Variants in RBFOX1 observed in about 807,000 individuals in gnomAD.
RBFOX1 encodes RNA binding protein fox-1 homolog 1.
A neutral mutation model predicts 57.7 loss-of-function variants in RBFOX1; 8 were observed. The observed-to-expected ratio is 0.14, with a 90% CI of 0.08 to 0.25. The LOEUF (loss-of-function observed/expected upper bound fraction) is 0.25, where lower values mean the gene tolerates loss of function less well. RBFOX1 is among the 10% of genes least tolerant of loss of function. RBFOX1 has a pLI of 1.00. For synonymous variants in RBFOX1, 326 were observed against 222.4 expected, an observed-to-expected ratio of 1.47 and a Z score of -4.15; for missense variants, 611 against 548.5, an observed-to-expected ratio of 1.11 and a Z score of -1.14.
rs1568549082 is a variant in RBFOX1, at chr16:7,700,813, GAAT to G, written c.996-8241_996-8239del. ...CCCTCAAATCTGCTGTTGGGTTTCA[GAAT>G]AGGAAGAGGTTTTCAGAATAGGAAG... On this transcript the variant is annotated intron_variant, in intron 14 of 15. Transcript: ENST00000550418. 4.0e-5 allele frequency among the ~76,000 whole-genome samples: 6 copies of G among 151,524 alleles called. No homozygotes were observed. The East Asian group carries it at 1.2e-3, about 30-fold the overall frequency.
At chr16:5,818,248 C>G (rs558803757) in intron 3 of RBFOX1, among the ~76,000 whole-genome samples, 123 of 152,258 alleles carry the variant, frequency 8.1e-4, no homozygotes, top group South Asian at 3.5e-3. Flanking sequence ...GTACCGTCAT[C>G]AGTTTTGCAT....
chr16:6,953,903 T>C (rs957141788), intron 3 of RBFOX1, among the ~76,000 whole-genome samples: 1 of 152,202 alleles, frequency 6.6e-6, no homozygotes, highest in Admixed American at 6.5e-5. Context: ...AAGTTTTTTT[T>C]GGTTGTTGTT....
chr16:7,197,948 T>G (rs2087172852), intron 4 of RBFOX1, among the ~76,000 whole-genome samples: 1 of 150,784 alleles, frequency 6.6e-6, no homozygotes, highest in Non-Finnish European at 1.5e-5. Flanking sequence ...ATGTGTTTTC[T>G]CTTTTTTCCC....
intron 1 of RBFOX1, among the ~76,000 whole-genome samples, chr16:6,204,203 A>G (rs2097237650): frequency 6.6e-6 from 1 of 152,104 alleles, no homozygotes; most frequent in Non-Finnish European, 1.5e-5. Context: ...ATCTTTCACC[A>G]AATTCTTCAC....
intron 1 of RBFOX1, among the ~76,000 whole-genome samples, chr16:5,255,270 A>C (rs2151086535): frequency 6.6e-6 from 1 of 152,042 alleles, no homozygotes; most frequent in South Asian, 2.1e-4. Flanking sequence ...AGGACCCCGG[A>C]TAAATGCTCA....
At chr16:5,884,080 G>A (rs2057835346) in intron 4 of RBFOX1, among the ~76,000 whole-genome samples, 1 of 152,182 alleles carries the variant, frequency 6.6e-6, no homozygotes, top group African/African-American at 2.4e-5. Flanking sequence ...GATAATCACT[G>A]TAGCTGCCTA....
intron 3 of RBFOX1, among the ~76,000 whole-genome samples, chr16:6,939,972 G>C (rs992790574): frequency 6.6e-6 from 1 of 152,198 alleles, no homozygotes. Flanking sequence ...GGAATTTAAA[G>C]TTTGTATAAT....
At chr16:5,969,665 A>G (rs746510752) in intron 4 of RBFOX1, among the ~76,000 whole-genome samples, 16 of 151,858 alleles carry the variant, frequency 1.1e-4, no homozygotes, top group Non-Finnish European at 2.2e-4. Flanking sequence ...ATAAAATCTT[A>G]GGTAGCTTAT....
chr16:7,270,360 T>A (rs1277699202), intron 4 of RBFOX1, among the ~76,000 whole-genome samples: 1 of 152,228 alleles, frequency 6.6e-6, no homozygotes, highest in Non-Finnish European at 1.5e-5. Context: ...GATAAGCTTC[T>A]CCTTTGTGGA....
Position 6,540,184 on chromosome 16 carries a change from A to G in RBFOX1, c.-63-114419A>G, listed in dbSNP as rs145681827. ...AATCCTATTTGTGAATCTGAGGTCT[A>G]TCTTTATGTTAATGATTCTTCATTA... On this transcript the variant is annotated intron_variant, in intron 2 of 15. Transcript: ENST00000550418. 8.2e-4 allele frequency among the ~76,000 whole-genome samples: 125 copies of G among 152,170 alleles called. 1 individual carries two copies. The highest frequency in any genetic ancestry group is 2.9e-3 in the African/African-American group (121 of 41,520).
chr16:5,500,315 T>C (rs1404853333), intron 2 of RBFOX1, among the ~76,000 whole-genome samples: 3 of 151,936 alleles, frequency 2.0e-5, no homozygotes, highest in African/African-American at 7.3e-5. Flanking sequence ...CTCAACCTGC[T>C]GAATTCAAGT....
At chr16:7,446,882 G>A (rs577014917) in intron 4 of RBFOX1, among the ~76,000 whole-genome samples, 14 of 129,282 alleles carry the variant, frequency 1.1e-4, no homozygotes, top group South Asian at 2.5e-4. Flanking sequence ...GTGTGATCTC[G>A]GCTCACTGCA....
chr16:7,065,469 C>T (rs540930436), intron 4 of RBFOX1, among the ~76,000 whole-genome samples: 1 of 152,170 alleles, frequency 6.6e-6, no homozygotes, highest in African/African-American at 2.4e-5. Flanking sequence ...GAACCTGCTT[C>T]TGCAGCAAAG....
rs143241297 is a variant in RBFOX1 at position 6,572,198 on chromosome 16, AAT to A, written c.-63-82402_-63-82401del. The stretch of plus-strand genomic sequence containing the variant: ...GTCGTGGAAGTATAATATTTATTTA[AAT>A]ATGTTTTGCCTATATTTGATTTCAT... On this transcript the variant is annotated intron_variant, in intron 2 of 15. Transcript: ENST00000550418. Among the ~76,000 whole-genome samples, 1,141 of 152,288 alleles carry A rather than the reference AAT, an allele frequency of 7.5e-3. 12 individuals carry two copies. Among genetic ancestry groups the A allele is most frequent in the African/African-American group, 0.026 (1,078 of 41,566 alleles).
At chr16:5,562,670 C>T (rs1009098389) in intron 2 of RBFOX1, among the ~76,000 whole-genome samples, 2 of 152,094 alleles carry the variant, frequency 1.3e-5, no homozygotes, top group African/African-American at 4.8e-5. Flanking sequence ...GAGAGCTGGT[C>T]CAGTAGGCAT....
chr16:5,429,935 C>A (rs1246379413), intron 1 of RBFOX1, among the ~76,000 whole-genome samples: 1 of 152,160 alleles, frequency 6.6e-6, no homozygotes, highest in African/African-American at 2.4e-5. Context: ...ATTCTTCACT[C>A]TGAAGGTTTG....
intron 1 of RBFOX1, among the ~76,000 whole-genome samples, chr16:5,380,589 T>C (rs1216820379): frequency 6.6e-6 from 1 of 152,232 alleles, no homozygotes; most frequent in East Asian, 1.9e-4. Flanking sequence ...AAAGCATTGC[T>C]AATTCCCACT....
intron 3 of RBFOX1, among the ~76,000 whole-genome samples, chr16:6,824,436 A>C (rs1250037249): frequency 6.6e-6 from 1 of 152,246 alleles, no homozygotes; most frequent in Non-Finnish European, 1.5e-5. Context: ...TCTTACTGTC[A>C]AGGCAACTCA....
intron 2 of RBFOX1, among the ~76,000 whole-genome samples, chr16:6,590,328 G>A (rs2097692665): frequency 1.3e-5 from 2 of 152,152 alleles, no homozygotes; most frequent in Admixed American, 1.3e-4. Flanking sequence ...CATCGGATTT[G>A]CCTGTAGGTG....
Sources: gnomAD v4.1 joint callset for allele counts (sites outside exome capture counted in the v4.1 genomes callset) on GRCh38, gnomAD v4.1.1 for gene constraint, MANE v1.5 for transcripts, NCBI Gene and HGNC (gene_info 2026-07-23, HGNC 2026-07-21) for gene names.